SCN10A: variants seen among roughly 807,000 people sequenced by gnomAD.
The protein encoded by SCN10A is sodium voltage-gated channel alpha subunit 10, also known as sodium channel protein type 10 subunit alpha.
Under a neutral mutation model 170.7 loss-of-function variants are expected in SCN10A, and 162 were observed. That is an observed-to-expected ratio of 0.95 (90% CI 0.84 to 1.08). The LOEUF is 1.08. Ranked by LOEUF, SCN10A falls within the 50% of genes least tolerant of loss-of-function variation. The pLI is 0.00. For synonymous variants in SCN10A, 985 were observed against 904.6 expected (o/e 1.09, Z -1.59); for missense variants, 2,527 against 2,436.9 (o/e 1.04, Z -0.78).
intron 13 of SCN10A, among the ~76,000 whole-genome samples, chr3:38,744,077 T>A (rs78837622): frequency 0.015 from 2,295 of 152,334 alleles, 34 homozygotes; most frequent in Admixed American, 0.021. Flanking sequence ...AAACAACAAC[T>A]GATAAAGCAT....
intron 13 of SCN10A, among the ~76,000 whole-genome samples, chr3:38,746,040 C>CAT (rs144763796): frequency 0.26 from 20,438 of 78,510 alleles, 2,912 homozygotes; most frequent in East Asian, 0.54. Context: ...TATATATATA[C>CAT]ATATATATAT....
At position 38,742,408 on chromosome 3, in the gene SCN10A, C is replaced by T. The variant is rs764260671; in HGVS notation, c.1989G>A (p.Thr663=). The T allele has an allele frequency of 3.6e-5, 58 of 1,614,000 alleles. No homozygotes were observed. The highest frequency in any genetic ancestry group is 1.9e-4 in the African/African-American group (14 of 74,894). Residue 663 remains threonine (T), a synonymous_variant, in exon 14 of 28, where the codon ACG becomes ACA. Transcript: ENST00000449082. ...TGATGGTGAGCTCTGCAAAGGGATC[C>T]GTCACAAGCCCAAAGAGAATTGTCT... The part of the protein sequence containing the change: ...KLKTILFGLV[T]DPFAELTITL...
chr3:38,713,325 G>A (rs778760038), intron 22 of SCN10A, among the ~76,000 whole-genome samples: 37 of 152,034 alleles, frequency 2.4e-4, no homozygotes, highest in Admixed American at 3.9e-4. Context: ...AGTATTAGAG[G>A]AAAGACTCAT....
rs1374697375 is a variant in SCN10A, at chr3:38,792,157, C to T, written c.282G>A (p.Val94=). ...GGGAAATGGTCCTCCCTTTGTTCAGCACCATAAATGTCTGAAACAAAACAA... is the reference window on the plus strand; with the variant it reads ...GGGAAATGGTCCTCCCTTTGTTCAGTACCATAAATGTCTGAAACAAAACAA... ...PFYSTHRTFM[V]LNKGRTISRF... Residue 94 remains valine, a synonymous_variant, in exon 3 of 28, where the codon GTG becomes GTA. Coordinates refer to ENST00000449082, the MANE Select transcript of SCN10A (RefSeq NM_006514.4). 1 of 1,613,636 alleles carries T rather than the reference C, an allele frequency of 6.2e-7. No individual in the cohort carries two copies. The highest frequency in any genetic ancestry group is 1.7e-5 in the Admixed American group (1 of 59,974).
intron 26 of SCN10A, among the ~76,000 whole-genome samples, chr3:38,705,572 C>A (rs1460760054): frequency 2.6e-5 from 4 of 152,178 alleles, no homozygotes; most frequent in Non-Finnish European, 1.5e-5. Flanking sequence ...GATGCCCTCT[C>A]CAGGGTCCCT....
intron 4 of SCN10A, among the ~76,000 whole-genome samples, chr3:38,771,703 T>C (rs1377161972): frequency 6.6e-6 from 1 of 152,202 alleles, no homozygotes; most frequent in Non-Finnish European, 1.5e-5. Flanking sequence ...AGAGCAAGGA[T>C]TCTCCTGTTT....
At chr3:38,724,543 C>G (rs1336792617) in intron 18 of SCN10A, among the ~76,000 whole-genome samples, 2 of 152,228 alleles carry the variant, frequency 1.3e-5, no homozygotes, top group Non-Finnish European at 2.9e-5. Context: ...GTGAGGCTGT[C>G]ACTTCACTAC....
intron 6 of SCN10A, 116 bp from the exon 7 acceptor site, chr3:38,761,499 C>T: frequency 1.2e-6 from 1 of 808,668 alleles, no homozygotes; most frequent in East Asian, 2.8e-5. Context: ...TATGTACACA[C>T]TCCAGGGCAG....
At chr3:38,730,770 GGAGA>G (rs1327165136) in intron 15 of SCN10A, among the ~76,000 whole-genome samples, 3 of 151,988 alleles carry the variant, frequency 2.0e-5, no homozygotes, top group African/African-American at 7.3e-5. Context: ...ACACAGTTTG[GGAGA>G]GAATTAGTGA....
chr3:38,700,113 C>T (rs1400192401), intron 27 of SCN10A, among the ~76,000 whole-genome samples: 1 of 151,798 alleles, frequency 6.6e-6, no homozygotes, highest in Non-Finnish European at 1.5e-5. Flanking sequence ...ACAAACAAAA[C>T]AAAACAAAAA....
At chr3:38,779,622 A>C (rs1319552488) in intron 4 of SCN10A, among the ~76,000 whole-genome samples, 2 of 151,910 alleles carry the variant, frequency 1.3e-5, no homozygotes, top group Admixed American at 1.3e-4. Flanking sequence ...GCTTTTACTG[A>C]TATAAATATT....
At chr3:38,775,944 A>G (rs2064068157) in intron 4 of SCN10A, among the ~76,000 whole-genome samples, 1 of 152,066 alleles carries the variant, frequency 6.6e-6, no homozygotes, top group Non-Finnish European at 1.5e-5. Context: ...TGTCTTCTCA[A>G]CCTTTAACAT....
intron 4 of SCN10A, among the ~76,000 whole-genome samples, chr3:38,772,593 G>A (rs2064017646): frequency 6.6e-6 from 1 of 152,138 alleles, no homozygotes; most frequent in Non-Finnish European, 1.5e-5. Flanking sequence ...GGAGGCTGAG[G>A]CGGGAGAATG....
At chr3:38,811,153 C>T (rs767504531) in intron 1 of SCN10A, among the ~76,000 whole-genome samples, 5 of 152,096 alleles carry the variant, frequency 3.3e-5, no homozygotes, top group Non-Finnish European at 7.4e-5. Flanking sequence ...ACAAAATAAT[C>T]GTAATAATAG....
At chr3:38,736,000 A>G (rs2063556417) in intron 15 of SCN10A, among the ~76,000 whole-genome samples, 1 of 152,224 alleles carries the variant, frequency 6.6e-6, no homozygotes, top group Admixed American at 6.5e-5. Context: ...AAGGAATCCA[A>G]CTTTAGATAG....
At chr3:38,738,734 G>T (rs1046475033) in intron 15 of SCN10A, among the ~76,000 whole-genome samples, 2 of 152,184 alleles carry the variant, frequency 1.3e-5, no homozygotes, top group African/African-American at 2.4e-5. Context: ...GCTTCCTCCA[G>T]ATGGCCTGGA....
chr3:38,812,172 T>A (rs1189311569), intron 1 of SCN10A, among the ~76,000 whole-genome samples: 2 of 152,238 alleles, frequency 1.3e-5, no homozygotes, highest in Non-Finnish European at 2.9e-5. Context: ...AAGATGATTG[T>A]CTTACTAATA....
At chr3:38,699,206 T>G (rs1011864543) in intron 27 of SCN10A, among the ~76,000 whole-genome samples, 23 of 151,848 alleles carry the variant, frequency 1.5e-4, no homozygotes, top group Non-Finnish European at 3.2e-4. Flanking sequence ...TTGTTTTTTT[T>G]TTTTTTTTTT....
chr3:38,744,417 G>T (rs551844242), intron 13 of SCN10A, among the ~76,000 whole-genome samples: 1 of 151,492 alleles, frequency 6.6e-6, no homozygotes, highest in Admixed American at 6.6e-5. Context: ...TTAAAAATGT[G>T]TATGTAGTCA....
Sources: gnomAD v4.1 joint callset for allele counts (sites outside exome capture counted in the v4.1 genomes callset) on GRCh38, gnomAD v4.1.1 for gene constraint, MANE v1.5 for transcripts, NCBI Gene and HGNC (gene_info 2026-07-23, HGNC 2026-07-21) for gene names.